The following TMPRSS13 variants were observed in gnomAD, a reference collection of about 807,000 sequenced individuals.
TMPRSS13 encodes the protein transmembrane protease serine 13.
A neutral mutation model predicts 68.4 loss-of-function variants in TMPRSS13; 50 were observed. That is an observed-to-expected ratio of 0.73 (90% CI 0.58 to 0.93). TMPRSS13 has a LOEUF of 0.93. Among genes scored for constraint, TMPRSS13 ranks in the 40% least tolerant of loss-of-function variants. TMPRSS13 has a pLI of 0.00. For missense variants in TMPRSS13, 615 were observed against 729.2 expected, an observed-to-expected ratio of 0.84 and a Z score of 1.80; for synonymous variants, 267 against 285.8, an observed-to-expected ratio of 0.93 and a Z score of 0.66.
intron 10 of TMPRSS13, among the ~76,000 whole-genome samples, chr11:117,905,180 C>A (rs35284897): frequency 0.29 from 44,309 of 151,062 alleles, 6,631 homozygotes; most frequent in Non-Finnish European, 0.31. Flanking sequence ...CAGGTGTAAG[C>A]TACGGTGCCC....
rs183716519 is a variant in TMPRSS13 at position 117,905,730 on chromosome 11, A to G, written c.1289T>C (p.Ile430Thr). The change falls in exon 10 of 13, where the codon ATC becomes ACC. Residue 430 changes from isoleucine (I) to threonine (T), a missense_variant. Ile to Thr is a moderately conservative substitution (Grantham distance 89). Coordinates refer to ENST00000524993, the MANE Select transcript of TMPRSS13 (RefSeq NM_001077263.3). ...ATGCATGGGGAGGCAAGCAGGGTGG[A>G]TGTGAGCTGCAACAAGACCTCCAGA... ...LSKPLTLSAH[I>T]HPACLPMHGQ... 328 of 1,597,314 alleles carry G rather than the reference A, an allele frequency of 2.1e-4. 1 individual carries two copies. The East Asian group carries it at 5.4e-3, about 26-fold the overall frequency.
At chr11:117,920,983 G>A (rs187661249) in intron 1 of TMPRSS13, among the ~76,000 whole-genome samples, 105 of 152,312 alleles carry the variant, frequency 6.9e-4, no homozygotes, top group Non-Finnish European at 7.5e-4. Flanking sequence ...ACACATGAAA[G>A]AGCCTGGTCT....
intron 1 of TMPRSS13, among the ~76,000 whole-genome samples, chr11:117,919,082 G>C (rs2057616191): frequency 6.6e-6 from 1 of 152,186 alleles, no homozygotes; most frequent in African/African-American, 2.4e-5. Context: ...GAGATGGGTA[G>C]AGGGCAATGG....
At chr11:117,910,017 C>T (rs374415060) in intron 7 of TMPRSS13, 49 bp from the exon 8 acceptor site, 75 of 1,593,996 alleles carry the variant, frequency 4.7e-5, no homozygotes, top group Non-Finnish European at 6.3e-5. Context: ...TCCCAGGGTT[C>T]TTTCCGAGCT....
intron 6 of TMPRSS13, 141 bp downstream of exon 6, chr11:117,911,627 A>C: frequency 1.6e-6 from 1 of 636,616 alleles, no homozygotes; most frequent in East Asian, 2.8e-5. Flanking sequence ...ACTATTTCCA[A>C]GATGCCCCTG....
intron 3 of TMPRSS13, among the ~76,000 whole-genome samples, chr11:117,916,419 C>A (rs1005801298): frequency 6.6e-6 from 1 of 152,266 alleles, no homozygotes; most frequent in Non-Finnish European, 1.5e-5. Flanking sequence ...CCCCTGCATC[C>A]AACCCACACA....
intron 2 of TMPRSS13, among the ~76,000 whole-genome samples, chr11:117,918,165 G>C (rs181060439): frequency 1.1e-4 from 17 of 152,256 alleles, no homozygotes; most frequent in Admixed American, 2.6e-4. Context: ...AGGGTGACAA[G>C]CTGCTTTGTT....
In TMPRSS13 at chr11:117,918,830, A is replaced by G. The variant is rs1156929918; in HGVS notation, c.30T>C (p.Ser10=). The G allele has an allele frequency of 6.2e-7, 1 of 1,613,704 alleles. No individual in the cohort carries two copies. The highest frequency in any genetic ancestry group is 8.5e-7 in the Non-Finnish European group (1 of 1,179,850). The change falls in exon 2 of 13, where the codon TCT becomes TCC. Residue 10 remains serine (S), a synonymous_variant. Coordinates refer to ENST00000524993, the MANE Select transcript of TMPRSS13 (RefSeq NM_001077263.3). ...CTCCAGCTGAAGGTGTTCTTGCTGGAGATGCATTCTGAAAGCAGATCGAAG... is the reference window on the plus strand; with the variant it reads ...CTCCAGCTGAAGGTGTTCTTGCTGGGGATGCATTCTGAAAGCAGATCGAAG... MERDSHGNA[S]PARTPSAGAS... is the part of the protein sequence containing the mutation.
chr11:117,916,550 C>T (rs1018554360), intron 3 of TMPRSS13, among the ~76,000 whole-genome samples: 3 of 152,234 alleles, frequency 2.0e-5, no homozygotes, highest in Admixed American at 2.0e-4. Flanking sequence ...TGCACATTTG[C>T]GCTGCCTAAA....
chr11:117,928,240 C>T (rs2134938061), intron 1 of TMPRSS13, among the ~76,000 whole-genome samples: 1 of 152,266 alleles, frequency 6.6e-6, no homozygotes, highest in African/African-American at 2.4e-5. Flanking sequence ...AGGCCTAGGG[C>T]CAAGTGACTT....
At chr11:117,917,422 A>G in intron 2 of TMPRSS13, 148 bp from the exon 3 acceptor site, 2 of 618,662 alleles carry the variant, frequency 3.2e-6, no homozygotes, top group Non-Finnish European at 5.7e-6. Context: ...TGGGGCTCAA[A>G]GTCAATTGAA....
chr11:117,914,519 AG>A lies in TMPRSS13; in HGVS notation c.557-6del. Reference sequence around the variant, plus strand: ...TGTGGCCCTGCCAGAACTGGACTAGAGAAAAAGAAGCAGACAGCTGGGTCAT... The same window carrying A: ...TGTGGCCCTGCCAGAACTGGACTAGAAAAAAGAAGCAGACAGCTGGGTCAT... On this transcript the variant is annotated splice_polypyrimidine_tract_variant and splice_region_variant and intron_variant, in intron 3 of 12. Coordinates refer to ENST00000524993, the MANE Select transcript of TMPRSS13 (RefSeq NM_001077263.3). The surrounding 1 kb of genome is among the most constrained non-coding windows in gnomAD (Gnocchi z 4.2). The A allele has an allele frequency of 6.2e-7, 1 of 1,613,838 alleles. No individual in the cohort carries two copies. The highest frequency in any genetic ancestry group is 8.5e-7 in the Non-Finnish European group (1 of 1,179,990).
chr11:117,924,195 A>AGACAAGAAAAGAAAAGAAAAGAAAG, intron 1 of TMPRSS13, among the ~76,000 whole-genome samples: 1 of 151,936 alleles, frequency 6.6e-6, no homozygotes, highest in Non-Finnish European at 1.5e-5. Flanking sequence ...AGAAAAGAAA[A>AGACAAGAAAAGAAAAGAAAAGAAAG]GAAAAGAAAA....
At position 117,915,298 on chromosome 11, in the gene TMPRSS13, C is replaced by G. The variant is rs1182220867; in HGVS notation, c.557-784G>C. ...CACCTCCCCTTGGCTGCCTCACAGA[C>G]CCGGGTTCTAACTTCTCACCCTGCC... On this transcript the variant is annotated intron_variant, in intron 3 of 12. Transcript: ENST00000524993. This position sits in a 1 kb window ranked among gnomAD's most constrained non-coding sequence, Gnocchi z 4.9. 6.6e-6 allele frequency among the ~76,000 whole-genome samples: 1 copy of G among 152,222 alleles called. No homozygotes were observed. The highest frequency in any genetic ancestry group is 2.4e-5 in the African/African-American group (1 of 41,460).
intron 9 of TMPRSS13, among the ~76,000 whole-genome samples, chr11:117,907,033 G>A (rs1056765795): frequency 1.3e-5 from 2 of 149,022 alleles, no homozygotes; most frequent in Admixed American, 1.3e-4. Flanking sequence ...AGACTATTAC[G>A]TTTGAAAAGC....
chr11:117,923,937 T>G (rs1467867449), intron 1 of TMPRSS13, among the ~76,000 whole-genome samples: 2 of 151,040 alleles, frequency 1.3e-5, no homozygotes, highest in East Asian at 2.0e-4. Flanking sequence ...TCAGGGCCCG[T>G]TTCAGTCCAG....
In TMPRSS13 at chr11:117,903,705, C is replaced by T. The variant is rs1232764467; in HGVS notation, c.1627G>A (p.Val543Met). 5.0e-6 allele frequency: 8 copies of T among 1,614,082 alleles called. No homozygotes were observed. The highest frequency in any genetic ancestry group is 5.9e-6 in the Non-Finnish European group (7 of 1,179,994). The change falls in exon 12 of 13, where the codon GTG (valine) becomes ATG (methionine). Residue 543 changes from valine to methionine, a missense_variant. Transcript: ENST00000524993. ...TGCGQRNKPGVYTKVTEVLPW... is the reference protein window; with the variant it reads ...TGCGQRNKPGMYTKVTEVLPW... ...AGAACTTCTGTCACTTTGGTGTACACACCAGGTTTGTTTCTCTGGCCACAG... is the reference window on the plus strand; with the variant it reads ...AGAACTTCTGTCACTTTGGTGTACATACCAGGTTTGTTTCTCTGGCCACAG...
At chr11:117,910,489 T>C in intron 7 of TMPRSS13, 1 of 520,134 alleles carries the variant, frequency 1.9e-6, no homozygotes, top group South Asian at 3.3e-5. Flanking sequence ...AATAAAAGGT[T>C]GCTGGGCTGA....
At position 117,918,650 on chromosome 11, in the gene TMPRSS13, A is replaced by C. The variant is rs2057606743; in HGVS notation, c.210T>G (p.Ser70=). The C allele has an allele frequency of 6.3e-7, 1 of 1,591,652 alleles. No individual in the cohort carries two copies. Among genetic ancestry groups the C allele is most frequent in the Non-Finnish European group, 8.6e-7 (1 of 1,168,572 alleles). The change falls in exon 2 of 13, where the codon TCT becomes TCG. Residue 70 remains serine, a synonymous_variant. Transcript: ENST00000524993. ...CCTGGGCTGGAGATGCCCGGCCTGG[A>C]GATGCCCGGCCTGGAGGTGTACCAG... ...SPAGTPPGRA[S]PGRASPAQAS...
Sources: gnomAD v4.1 joint callset for allele counts (sites outside exome capture counted in the v4.1 genomes callset) on GRCh38, gnomAD v4.1.1 for gene constraint, Gnocchi (gnomAD v3.1) non-coding constraint, MANE v1.5 for transcripts, NCBI Gene and HGNC (gene_info 2026-07-23, HGNC 2026-07-21) for gene names.